Variants in SYTL5 observed in about 807,000 individuals in gnomAD.
SYTL5 encodes synaptotagmin like 5, also known as synaptotagmin-like protein 5.
Under a neutral mutation model 55.9 loss-of-function variants are expected in SYTL5, and 34 were observed. That is an observed-to-expected ratio of 0.61 (90% CI 0.46 to 0.81). The LOEUF is 0.81. SYTL5 is among the 30% of genes least tolerant of loss of function. The probability of loss-of-function intolerance (pLI) is 0.00; values close to 1 mark genes in which losing one functional copy is unlikely to be tolerated. For synonymous variants in SYTL5, 221 were observed against 188.7 expected, an observed-to-expected ratio of 1.17 and a Z score of -1.40; for missense variants, 637 against 546.7, an observed-to-expected ratio of 1.17 and a Z score of -1.65.
At chrX:38,110,857 A>T (rs1937341219) in intron 13 of SYTL5, among the ~76,000 whole-genome samples, 1 of 111,683 alleles carries the variant, frequency 9.0e-6, no homozygotes, top group African/African-American at 3.3e-5. Context: ...TTTATTTCTC[A>T]TTCTCCACAA....
At chrX:38,036,910 A>G (rs192334941) in intron 2 of SYTL5, among the ~76,000 whole-genome samples, 2 of 112,047 alleles carry the variant, frequency 1.8e-5, no homozygotes, top group East Asian at 5.6e-4. Flanking sequence ...GCATACAGTA[A>G]GCACTCAAAA....
At chrX:38,054,987 G>A (rs951274062) in intron 3 of SYTL5, among the ~76,000 whole-genome samples, 1 of 111,338 alleles carries the variant, frequency 9.0e-6, no homozygotes, top group Admixed American at 9.5e-5. Context: ...AAAGTGCTAG[G>A]ATTACAGGCA....
intron 15 of SYTL5, among the ~76,000 whole-genome samples, chrX:38,123,500 A>T (rs777709885): frequency 1.8e-5 from 2 of 111,612 alleles, no homozygotes; most frequent in Non-Finnish European, 3.8e-5. Flanking sequence ...GTGAGTGTGT[A>T]TGCCTGAATC....
the SYTL5 span, among the ~76,000 whole-genome samples, chrX:37,994,003 C>T: frequency 9.0e-6 from 1 of 111,257 alleles, no homozygotes; most frequent in African/African-American, 3.3e-5. Context: ...GCTAGGGTGA[C>T]CAGGTTCCTC....
chrX:38,011,178 T>C (rs1197982588), intron 1 of SYTL5, among the ~76,000 whole-genome samples: 2 of 112,497 alleles, frequency 1.8e-5, no homozygotes, highest in Admixed American at 9.4e-5. Context: ...GTTTGATATT[T>C]TTCATAATTG....
intron 10 of SYTL5, chrX:38,102,882 T>A (rs750818550): frequency 4.2e-5 from 18 of 431,933 alleles, no homozygotes; most frequent in Non-Finnish European, 7.1e-5. Flanking sequence ...TAAAGTCCTT[T>A]CTTACTTTAG....
chrX:37,912,204 TCCAGTAATGCACCTC>T, the SYTL5 span, among the ~76,000 whole-genome samples: 1 of 112,205 alleles, frequency 8.9e-6, no homozygotes, highest in South Asian at 3.7e-4. Flanking sequence ...GGTGAATTTT[TCCAGTAATGCACCTC>T]CCAGCACTGT....
chrX:37,906,006 G>T, the SYTL5 span: 5 of 113,543 alleles, frequency 4.4e-5, no homozygotes, highest in East Asian at 1.4e-3. Flanking sequence ...CCAAGCGCGT[G>T]AGTCACTCTG....
the SYTL5 span, among the ~76,000 whole-genome samples, chrX:37,921,185 A>G: frequency 9.0e-6 from 1 of 111,672 alleles, no homozygotes; most frequent in Non-Finnish European, 1.9e-5. Flanking sequence ...GGAAACTGTC[A>G]TGGAGAAGTT....
Position 38,126,946 on chromosome X carries a change from T to G in SYTL5, c.*216T>G. ...TCCAATCAAGGCCTTCTTGATTGGA[T>G]GATAGAAAGTGTACTACTTGTCCTG... On this transcript the variant is annotated 3_prime_UTR_variant, in exon 17 of 17. Transcript: ENST00000297875. The G allele has an allele frequency of 2.6e-6, 1 of 383,222 alleles. No individual in the cohort carries two copies. Among genetic ancestry groups the G allele is most frequent in the Admixed American group, 4.4e-5 (1 of 22,554 alleles). 31.6% of individuals were successfully genotyped at this position (383,222 alleles called of 1,213,427 possible). A position where few individuals can be genotyped will look rare whatever the true frequency, so the allele number is the denominator to read the frequency against.
At chrX:37,911,008 C>T in the SYTL5 span, among the ~76,000 whole-genome samples, 14 of 97,504 alleles carry the variant, frequency 1.4e-4, no homozygotes, top group African/African-American at 4.6e-4. Context: ...CTCTGTTGCC[C>T]GGGATAGAGT....
intron 1 of SYTL5, among the ~76,000 whole-genome samples, chrX:38,018,469 C>A (rs1233924926): frequency 8.9e-6 from 1 of 111,764 alleles, no homozygotes; most frequent in Non-Finnish European, 1.9e-5. Context: ...AAATGCCTTT[C>A]TGGACAGGTC....
chrX:38,060,815 T>C (rs751408529), intron 3 of SYTL5, among the ~76,000 whole-genome samples: 59 of 112,305 alleles, frequency 5.3e-4, no homozygotes, highest in Admixed American at 1.4e-3. Context: ...AACTTCCGTG[T>C]CTTCCTTGGG....
chrX:38,108,557 T>C, intron 11 of SYTL5, 43 bp from the exon 12 acceptor site: 1 of 990,650 alleles, frequency 1.0e-6, no homozygotes, highest in Non-Finnish European at 1.4e-6. Flanking sequence ...TTCTTGCAAA[T>C]AGATGTTTCA....
At chrX:38,038,084 G>A (rs1159120486) in intron 2 of SYTL5, among the ~76,000 whole-genome samples, 2 of 111,497 alleles carry the variant, frequency 1.8e-5, no homozygotes, top group Non-Finnish European at 3.8e-5. Context: ...CGGGTTAGAC[G>A]AGGTACATCC....
At chrX:38,120,492 T>C in intron 14 of SYTL5, 26 bp downstream of exon 14, 1 of 1,081,535 alleles carries the variant, frequency 9.2e-7, no homozygotes, top group Non-Finnish European at 1.3e-6. Flanking sequence ...ATGACTTTGA[T>C]CAATGACATT....
At chrX:37,939,844 G>T in the SYTL5 span, among the ~76,000 whole-genome samples, 1 of 111,249 alleles carries the variant, frequency 9.0e-6, no homozygotes. Context: ...GTCTTGTTTT[G>T]TTTTGAGATA....
chrX:38,092,098 A>C (rs1466620588), intron 7 of SYTL5, among the ~76,000 whole-genome samples: 3 of 112,501 alleles, frequency 2.7e-5, no homozygotes, highest in African/African-American at 9.7e-5. Flanking sequence ...ATATAGCATT[A>C]GATGGCAAGT....
chrX:38,033,798 T>C lies in SYTL5; in HGVS notation c.-92T>C. 2.0e-6 allele frequency: 1 copy of C among 489,531 alleles called. No individual in the cohort carries two copies. Among genetic ancestry groups the C allele is most frequent in the Non-Finnish European group, 3.5e-6 (1 of 285,685 alleles). The allele number at this position is 489,531 out of a possible 1,213,427, so 40.3% of individuals were successfully genotyped here. Reference sequence around the variant, plus strand: ...CACTTTACACCAAACAACTGAGTGATTCTGAATTGGTTGGGGGAATCTTAG... The same window carrying C: ...CACTTTACACCAAACAACTGAGTGACTCTGAATTGGTTGGGGGAATCTTAG... On this transcript the variant is annotated 5_prime_UTR_variant, in exon 2 of 17. Coordinates refer to ENST00000297875, the MANE Select transcript of SYTL5 (RefSeq NM_138780.3).
Sources: gnomAD v4.1 joint callset for allele counts (sites outside exome capture counted in the v4.1 genomes callset) on GRCh38, gnomAD v4.1.1 for gene constraint, MANE v1.5 for transcripts, NCBI Gene and HGNC (gene_info 2026-07-23, HGNC 2026-07-21) for gene names.